Variants in B3GALT1 observed in about 807,000 individuals in gnomAD.
B3GALT1 encodes beta-1,3-galactosyltransferase 1, also known as UDP-Gal:betaGlcNAc beta 1,3-galactosyltransferase, polypeptide 1.
B3GALT1 carries 10 observed loss-of-function variants against 23.2 expected under a neutral mutation model. That is an observed-to-expected ratio of 0.43 (90% CI 0.27 to 0.73). The LOEUF (loss-of-function observed/expected upper bound fraction) is 0.73, where lower values mean the gene tolerates loss of function less well. Among genes scored for constraint, B3GALT1 ranks in the 30% least tolerant of loss-of-function variants. The probability of loss-of-function intolerance (pLI) is 0.21; values close to 1 mark genes in which losing one functional copy is unlikely to be tolerated. For synonymous variants in B3GALT1, 156 were observed against 141.5 expected (o/e 1.10, Z -0.73); for missense variants, 299 against 405.4 (o/e 0.74, Z 2.25).
intron 2 of B3GALT1, among the ~76,000 whole-genome samples, chr2:167,492,284 T>C (rs1220062954): frequency 6.6e-6 from 1 of 152,230 alleles, no homozygotes; most frequent in Admixed American, 6.5e-5. Context: ...GCTTTTAAGG[T>C]TCATCTATGT....
chr2:167,781,979 GC>G (rs1381902201), intron 3 of B3GALT1, among the ~76,000 whole-genome samples: 1 of 152,128 alleles, frequency 6.6e-6, no homozygotes, highest in Non-Finnish European at 1.5e-5. Context: ...CTGAGCTCAA[GC>G]GATCTGCCCG....
intron 1 of B3GALT1, among the ~76,000 whole-genome samples, chr2:167,486,696 G>A (rs1699631390): frequency 6.6e-6 from 1 of 152,166 alleles, no homozygotes; most frequent in Non-Finnish European, 1.5e-5. Context: ...CCAGCCTGGT[G>A]AAAGAGTGAG....
intron 2 of B3GALT1, among the ~76,000 whole-genome samples, chr2:167,508,120 G>A (rs543517508): frequency 6.6e-6 from 1 of 152,208 alleles, no homozygotes; most frequent in Admixed American, 6.5e-5. Context: ...CACTTTCAAA[G>A]CTCCACAACC....
At chr2:167,532,275 TG>T (rs1683338786) in intron 2 of B3GALT1, among the ~76,000 whole-genome samples, 1 of 152,184 alleles carries the variant, frequency 6.6e-6, no homozygotes. Context: ...ATTTTAGTGC[TG>T]TTTGGTTTAA....
intron 1 of B3GALT1, among the ~76,000 whole-genome samples, chr2:167,340,798 A>G (rs1697135897): frequency 1.3e-5 from 2 of 152,210 alleles, no homozygotes; most frequent in African/African-American, 4.8e-5. Context: ...TTCATTCAAC[A>G]AAAGTTAGCA....
chr2:167,764,130 T>G (rs1172420995), intron 3 of B3GALT1, among the ~76,000 whole-genome samples: 1 of 152,226 alleles, frequency 6.6e-6, no homozygotes, highest in African/African-American at 2.4e-5. Context: ...TTTTTTAGAT[T>G]TAAGAGCTCC....
At chr2:167,613,879 A>G (rs1319055878) in intron 2 of B3GALT1, among the ~76,000 whole-genome samples, 4 of 151,866 alleles carry the variant, frequency 2.6e-5, no homozygotes, top group Non-Finnish European at 5.9e-5. Context: ...TCCACTTCCA[A>G]TACATTTTTC....
intron 3 of B3GALT1, among the ~76,000 whole-genome samples, chr2:167,756,094 G>C (rs997152020): frequency 6.6e-6 from 1 of 152,138 alleles, no homozygotes; most frequent in Non-Finnish European, 1.5e-5. Context: ...GAAATATTCA[G>C]ATTCTTTTGA....
At chr2:167,790,784 T>A (rs1688424996) in intron 3 of B3GALT1, among the ~76,000 whole-genome samples, 1 of 152,200 alleles carries the variant, frequency 6.6e-6, no homozygotes, top group East Asian at 1.9e-4. Context: ...TCTGTCTAAT[T>A]TGCCATTTAT....
intron 1 of B3GALT1, among the ~76,000 whole-genome samples, chr2:167,476,694 C>T (rs1201952121): frequency 1.3e-5 from 2 of 152,078 alleles, no homozygotes; most frequent in Non-Finnish European, 2.9e-5. Context: ...TTGAAAATTC[C>T]ATCCTCTACA....
chr2:167,872,971 G>A lies in B3GALT1; in HGVS notation c.*2951G>A, dbSNP rs992361782. 23 of 152,130 alleles carry A rather than the reference G, an allele frequency of 1.5e-4. No individual in the cohort carries two copies. Among genetic ancestry groups the A allele is most frequent in the African/African-American group, 4.3e-4 (18 of 41,516 alleles). 9.4% of individuals were successfully genotyped at this position (152,130 alleles called of 1,614,324 possible). On this transcript the variant is annotated 3_prime_UTR_variant, in exon 5 of 5. Transcript: ENST00000392690. ...ATAGCCTTAAGCATGTTTGCCCTTC[G>A]TTTTTTGAATGTTCAAAAAATGTTT...
chr2:167,320,876 T>C (rs982260886), intron 1 of B3GALT1, among the ~76,000 whole-genome samples: 4 of 152,018 alleles, frequency 2.6e-5, no homozygotes, highest in African/African-American at 9.7e-5. Flanking sequence ...AAGGAAAATT[T>C]CTAAGTTTAA....
At chr2:167,678,430 A>G (rs1686467035) in intron 3 of B3GALT1, among the ~76,000 whole-genome samples, 1 of 152,192 alleles carries the variant, frequency 6.6e-6, no homozygotes, top group South Asian at 2.1e-4. Flanking sequence ...GGAGCATCAC[A>G]ATCCGAGCTT....
intron 1 of B3GALT1, among the ~76,000 whole-genome samples, chr2:167,294,898 G>T (rs1696323796): frequency 6.6e-6 from 1 of 152,104 alleles, no homozygotes; most frequent in Non-Finnish European, 1.5e-5. Context: ...AAACCAAACC[G>T]CAGAAACCAC....
chr2:167,705,128 G>A (rs1398198219), intron 3 of B3GALT1, among the ~76,000 whole-genome samples: 1 of 152,148 alleles, frequency 6.6e-6, no homozygotes, highest in Non-Finnish European at 1.5e-5. Flanking sequence ...ACAGACATAA[G>A]CAGACCTGAG....
intron 4 of B3GALT1, among the ~76,000 whole-genome samples, chr2:167,832,421 C>G (rs1040319706): frequency 1.3e-5 from 2 of 152,138 alleles, no homozygotes; most frequent in Non-Finnish European, 2.9e-5. Flanking sequence ...CTGTCAATCC[C>G]CCAGCAAAAT....
chr2:167,556,027 GGATC>G, intron 2 of B3GALT1, among the ~76,000 whole-genome samples: 1 of 152,210 alleles, frequency 6.6e-6, no homozygotes, highest in East Asian at 1.9e-4. Flanking sequence ...ATTTTTCTAT[GGATC>G]CCAGGGACAA....
At chr2:167,304,015 C>T (rs1173395774) in intron 1 of B3GALT1, among the ~76,000 whole-genome samples, 1 of 152,132 alleles carries the variant, frequency 6.6e-6, no homozygotes, top group East Asian at 1.9e-4. Flanking sequence ...CCAGCTTCAT[C>T]AAGGTCTTCC....
intron 2 of B3GALT1, among the ~76,000 whole-genome samples, chr2:167,609,283 G>C (rs563068285): frequency 6.6e-6 from 1 of 152,226 alleles, no homozygotes; most frequent in Non-Finnish European, 1.5e-5. Context: ...GAAAGCTTTA[G>C]CTCCCAACTG....
Sources: gnomAD v4.1 joint callset for allele counts (sites outside exome capture counted in the v4.1 genomes callset) on GRCh38, gnomAD v4.1.1 for gene constraint, MANE v1.5 for transcripts, NCBI Gene and HGNC (gene_info 2026-07-23, HGNC 2026-07-21) for gene names.